Variants in CADM2 observed in about 807,000 individuals in gnomAD.
CADM2 encodes the protein immunoglobulin superfamily member 4D.
Under a neutral mutation model 49.8 loss-of-function variants are expected in CADM2, and 12 were observed. The ratio of observed to expected loss-of-function variants is 0.24; its 90% CI spans 0.15 to 0.39. CADM2 has a LOEUF of 0.39. CADM2 is among the 10% of genes least tolerant of loss of function. The pLI, the probability that CADM2 is intolerant of heterozygous loss-of-function variation, is 1.00. For synonymous variants in CADM2, 214 were observed against 175.4 expected (o/e 1.22, Z -1.74); for missense variants, 378 against 492.3 (o/e 0.77, Z 2.20).
chr3:85,180,071 T>C (rs1005341279), intron 1 of CADM2, among the ~76,000 whole-genome samples: 6 of 149,740 alleles, frequency 4.0e-5, no homozygotes, highest in Admixed American at 1.3e-4. Context: ...TATAAAAATC[T>C]TTTACATTCA....
intron 1 of CADM2, among the ~76,000 whole-genome samples, chr3:85,666,652 C>T (rs1286146958): frequency 1.3e-5 from 2 of 151,788 alleles, no homozygotes; most frequent in African/African-American, 2.4e-5. Flanking sequence ...CCGAGGGGAA[C>T]TTAGAGAGGC....
intron 1 of CADM2, among the ~76,000 whole-genome samples, chr3:85,123,733 A>T (rs2038939289): frequency 6.6e-6 from 1 of 152,172 alleles, no homozygotes; most frequent in African/African-American, 2.4e-5. Context: ...ATACATATTT[A>T]AATCTGTCCT....
intron 2 of CADM2, among the ~76,000 whole-genome samples, chr3:85,774,346 C>T (rs1194631274): frequency 2.0e-5 from 3 of 151,558 alleles, no homozygotes; most frequent in African/African-American, 7.3e-5. Flanking sequence ...AATTTCTTAA[C>T]ATAAGAAAAA....
intron 7 of CADM2, among the ~76,000 whole-genome samples, chr3:85,947,768 CTGGGCA>C (rs768323054): frequency 3.2e-4 from 48 of 151,468 alleles, no homozygotes; most frequent in Non-Finnish European, 5.9e-4. Flanking sequence ...GTTATTTAGG[CTGGGCA>C]TGGGCATCTG....
At chr3:85,957,735 A>G (rs1334633605) in intron 7 of CADM2, among the ~76,000 whole-genome samples, 1 of 151,770 alleles carries the variant, frequency 6.6e-6, no homozygotes, top group Non-Finnish European at 1.5e-5. Flanking sequence ...GATTTCCGTG[A>G]CTTCCTTCTT....
intron 1 of CADM2, among the ~76,000 whole-genome samples, chr3:85,654,641 A>G (rs2065143161): frequency 1.3e-5 from 2 of 152,210 alleles, no homozygotes; most frequent in South Asian, 4.1e-4. Flanking sequence ...AATTCTGTAT[A>G]GGAGTAACAA....
chr3:85,229,077 T>A (rs1211320112), intron 1 of CADM2, among the ~76,000 whole-genome samples: 1 of 152,142 alleles, frequency 6.6e-6, no homozygotes, highest in Non-Finnish European at 1.5e-5. Flanking sequence ...CTCTGCCCAG[T>A]TTGAACTTCC....
intron 1 of CADM2, among the ~76,000 whole-genome samples, chr3:85,018,293 A>T (rs1576043803): frequency 6.6e-6 from 1 of 152,192 alleles, no homozygotes; most frequent in East Asian, 1.9e-4. Flanking sequence ...TCCTATCTTT[A>T]TCCACGAAAA....
intron 1 of CADM2, among the ~76,000 whole-genome samples, chr3:85,413,138 C>CAAAAAAAAAAAAAAAAA (rs397973777): frequency 5.3e-4 from 9 of 17,112 alleles, no homozygotes; most frequent in Admixed American, 1.0e-3. Flanking sequence ...GACTCCGTCT[C>CAAAAAAAAAAAAAAAAA]AAAAAAAAAA....
chr3:85,553,747 C>T (rs971070447), intron 1 of CADM2, among the ~76,000 whole-genome samples: 1 of 152,098 alleles, frequency 6.6e-6, no homozygotes, highest in African/African-American at 2.4e-5. Flanking sequence ...CAGGCGTAAA[C>T]GTAGTCCCAC....
chr3:85,120,683 A>C (rs759619675), intron 1 of CADM2, among the ~76,000 whole-genome samples: 2 of 151,930 alleles, frequency 1.3e-5, no homozygotes, highest in Non-Finnish European at 2.9e-5. Context: ...CCTGGGGGGT[A>C]GGGGGCCAGG....
intron 1 of CADM2, among the ~76,000 whole-genome samples, chr3:85,559,270 T>G (rs73843654): frequency 0.016 from 2,400 of 152,202 alleles, 76 homozygotes; most frequent in African/African-American, 0.055. Context: ...ATTTTCATCT[T>G]AATATACAAT....
chr3:85,650,592 A>G (rs985979121), intron 1 of CADM2, among the ~76,000 whole-genome samples: 1 of 151,824 alleles, frequency 6.6e-6, no homozygotes, highest in Non-Finnish European at 1.5e-5. Context: ...ATAAATGTGC[A>G]GCATTGGTGT....
intron 1 of CADM2, among the ~76,000 whole-genome samples, chr3:85,482,654 G>A (rs1480665637): frequency 2.0e-5 from 3 of 151,538 alleles, no homozygotes; most frequent in South Asian, 2.1e-4. Flanking sequence ...CATTTTTATC[G>A]ATGGTTCATA....
intron 8 of CADM2, among the ~76,000 whole-genome samples, chr3:85,969,535 T>C (rs1388282037): frequency 1.3e-5 from 2 of 151,420 alleles, no homozygotes; most frequent in South Asian, 4.2e-4. Flanking sequence ...CCCAGTCACA[T>C]ATCACTTCAA....
chr3:85,238,532 G>C (rs1374059824), intron 1 of CADM2, among the ~76,000 whole-genome samples: 2 of 151,868 alleles, frequency 1.3e-5, no homozygotes, highest in Non-Finnish European at 2.9e-5. Flanking sequence ...TCTTTCCTCT[G>C]AGCTCTTTGA....
At chr3:85,265,599 A>G (rs559026130) in intron 1 of CADM2, among the ~76,000 whole-genome samples, 1 of 152,168 alleles carries the variant, frequency 6.6e-6, no homozygotes, top group African/African-American at 2.4e-5. Flanking sequence ...CAGAGCCCTC[A>G]TGAACTAATC....
At chr3:85,423,934 A>G (rs1014429941) in intron 1 of CADM2, among the ~76,000 whole-genome samples, 1 of 152,158 alleles carries the variant, frequency 6.6e-6, no homozygotes, top group African/African-American at 2.4e-5. Context: ...ATTTCAATAA[A>G]TCTATAGTAC....
intron 1 of CADM2, among the ~76,000 whole-genome samples, chr3:85,724,887 A>C (rs983281118): frequency 1.3e-5 from 2 of 151,900 alleles, no homozygotes; most frequent in Admixed American, 6.6e-5. Flanking sequence ...TTTTTGATGA[A>C]ATTGAATTTT....
Sources: gnomAD v4.1 joint callset for allele counts (sites outside exome capture counted in the v4.1 genomes callset) on GRCh38, gnomAD v4.1.1 for gene constraint, MANE v1.5 for transcripts, NCBI Gene and HGNC (gene_info 2026-07-23, HGNC 2026-07-21) for gene names.